Variants in ZMYM2 observed in about 807,000 individuals in gnomAD.
ZMYM2 encodes zinc finger MYM-type protein 2.
Under a neutral mutation model 162.8 loss-of-function variants are expected in ZMYM2, and 56 were observed. The observed-to-expected ratio is 0.34, with a 90% confidence interval of 0.28 to 0.43. The LOEUF is 0.43. Ranked by LOEUF, ZMYM2 falls within the 20% of genes least tolerant of loss-of-function variation. The probability of loss-of-function intolerance (pLI) is 1.00; values close to 1 mark genes in which losing one functional copy is unlikely to be tolerated. For missense variants in ZMYM2, 1,275 were observed against 1,621.8 expected (o/e 0.79, Z 3.67); for synonymous variants, 510 against 541.6 (o/e 0.94, Z 0.81).
At chr13:19,957,745 A>G (rs1253014355), upstream of ZMYM2, among the ~76,000 whole-genome samples, 1 of 152,202 alleles carries the variant, frequency 6.6e-6, no homozygotes, top group East Asian at 1.9e-4. Flanking sequence ...GGAGCACAGG[A>G]CGGCGGCGCC....
chr13:20,079,365 C>A (rs1441560069), intron 21 of ZMYM2, among the ~76,000 whole-genome samples: 1 of 126,892 alleles, frequency 7.9e-6, no homozygotes, highest in Non-Finnish European at 1.6e-5. Context: ...GAATTCAAAT[C>A]CCATAATTGA....
intron 13 of ZMYM2, 141 bp downstream of exon 13, chr13:20,051,739 A>G (rs1393867758): frequency 3.3e-5 from 25 of 768,824 alleles, no homozygotes; most frequent in Non-Finnish European, 4.5e-5. Flanking sequence ...TCTGGGTCGA[A>G]GTACCCTTGT....
the ZMYM2 span, among the ~76,000 whole-genome samples, chr13:19,929,179 CTTTCCAATTTTTAATGTCTTT>C: frequency 6.6e-6 from 1 of 152,024 alleles, no homozygotes; most frequent in Non-Finnish European, 1.5e-5. Context: ...TTGTTTCTTT[CTTTCCAATTTTTAATGTCTTT>C]TATTTTTATT....
intron 14 of ZMYM2, 125 bp downstream of exon 14, chr13:20,052,436 G>T: frequency 1.3e-6 from 1 of 752,616 alleles, no homozygotes; most frequent in Non-Finnish European, 2.1e-6. Flanking sequence ...TACTGAGACG[G>T]TGGAGTATTC....
Position 20,066,889 on chromosome 13 carries a change from T to C in ZMYM2, c.3171T>C (p.His1057=), listed in dbSNP as rs770859703. ...KRKAVSGYQS[H]DDSSDNSECS... The stretch of plus-strand genomic sequence containing the variant: ...AGGCTGTATCAGGATACCAGTCTCA[T>C]GATGATAGTTCTGACAATTCAGAAT... Residue 1057 remains histidine, a synonymous_variant, in exon 20 of 25, where the codon CAT becomes CAC. Transcript: ENST00000610343. 1 of 1,611,618 alleles carries C rather than the reference T, an allele frequency of 6.2e-7. No individual in the cohort carries two copies. The highest frequency in any genetic ancestry group is 8.5e-7 in the Non-Finnish European group (1 of 1,178,766).
At chr13:19,900,470 T>G in the ZMYM2 span, among the ~76,000 whole-genome samples, 1 of 152,146 alleles carries the variant, frequency 6.6e-6, no homozygotes, top group African/African-American at 2.4e-5. Context: ...AAAAGCCTAG[T>G]ACTAGATGGG....
the ZMYM2 span, among the ~76,000 whole-genome samples, chr13:19,905,060 G>A: frequency 7.0e-6 from 1 of 142,704 alleles, no homozygotes; most frequent in African/African-American, 2.6e-5. Flanking sequence ...CTCCCAGGCT[G>A]GAGTGCAGTG....
chr13:20,056,996 G>A (rs889125026), intron 14 of ZMYM2, among the ~76,000 whole-genome samples: 5 of 152,118 alleles, frequency 3.3e-5, no homozygotes, highest in African/African-American at 4.8e-5. Flanking sequence ...CTACAACCTC[G>A]GTTTTCATGG....
rs886586507 is a variant in ZMYM2 at position 19,987,913 on chromosome 13, A to G, written c.-10-5150A>G. On this transcript the variant is annotated intron_variant, in intron 2 of 24. Coordinates refer to ENST00000610343, the MANE Select transcript of ZMYM2 (RefSeq NM_197968.4). ...AGGCGTGAGCCACTGCCCTCAGCCC[A>G]TTTTCTTTAAAGCAGTAATAAATGT... is the stretch of plus-strand genomic sequence containing the variant. 2.0e-5 allele frequency among the ~76,000 whole-genome samples: 3 copies of G among 152,122 alleles called. 1 individual carries two copies. Among genetic ancestry groups the G allele is most frequent in the South Asian group, 4.1e-4 (2 of 4,830 alleles).
intron 2 of ZMYM2, among the ~76,000 whole-genome samples, chr13:19,965,771 CTTTTTTTTT>C (rs35914050): frequency 2.9e-5 from 3 of 104,888 alleles, no homozygotes; most frequent in African/African-American, 1.1e-4. Flanking sequence ...TATCTGAATT[CTTTTTTTTT>C]TTTTTTTTTT....
chr13:19,890,310 G>A, the ZMYM2 span, among the ~76,000 whole-genome samples: 2 of 151,452 alleles, frequency 1.3e-5, no homozygotes, highest in African/African-American at 4.9e-5. Context: ...GGGACTACTT[G>A]AGACCACCAC....
At chr13:19,879,504 G>A in the ZMYM2 span, among the ~76,000 whole-genome samples, 1 of 152,106 alleles carries the variant, frequency 6.6e-6, no homozygotes, top group Non-Finnish European at 1.5e-5. Flanking sequence ...CTGTTCCATT[G>A]ATCTATGTGT....
the ZMYM2 span, among the ~76,000 whole-genome samples, chr13:19,904,178 T>C: frequency 3.1e-5 from 4 of 129,162 alleles, no homozygotes; most frequent in South Asian, 3.0e-4. Context: ...GGTGGATTTA[T>C]GTAGTTCAAC....
the ZMYM2 span, among the ~76,000 whole-genome samples, chr13:19,926,227 CTG>C: frequency 5.3e-5 from 8 of 151,768 alleles, 1 homozygote; most frequent in South Asian, 1.7e-3. Context: ...TCCCAAAGTG[CTG>C]TGATTACAGG....
chr13:20,048,123 A>C (rs933046310), intron 12 of ZMYM2, among the ~76,000 whole-genome samples: 16 of 152,010 alleles, frequency 1.1e-4, no homozygotes, highest in African/African-American at 3.6e-4. Context: ...TCGATTGCAC[A>C]GTTTTTTAAC....
At chr13:19,937,448 G>C in the ZMYM2 span, among the ~76,000 whole-genome samples, 1 of 133,108 alleles carries the variant, frequency 7.5e-6, no homozygotes, top group Non-Finnish European at 1.5e-5. Flanking sequence ...TACCGGCCTA[G>C]TATTCCTCTT....
rs1338130172 is a variant in ZMYM2 at position 20,036,724 on chromosome 13, T to C, written c.2120-13T>C. ...GTTTTTTTGTTTTAATATATAAATC[T>C]TATATTTTTCAGGCTGCAAATTATT... On this transcript the variant is annotated splice_polypyrimidine_tract_variant and intron_variant, in intron 11 of 24. Transcript: ENST00000610343. The C allele has an allele frequency of 3.3e-6, 5 of 1,503,058 alleles. No homozygotes were observed. Among genetic ancestry groups the C allele is most frequent in the Admixed American group, 2.4e-5 (1 of 41,480 alleles). 93.1% of individuals were successfully genotyped at this position (1,503,058 alleles called of 1,614,324 possible).
chr13:19,963,349 T>C (rs1306854623), intron 2 of ZMYM2, among the ~76,000 whole-genome samples: 3 of 152,250 alleles, frequency 2.0e-5, no homozygotes, highest in African/African-American at 7.2e-5. Flanking sequence ...ACTTTTGAAG[T>C]ATTCAGATCA....
the ZMYM2 span, among the ~76,000 whole-genome samples, chr13:19,929,833 G>A: frequency 1.3e-4 from 20 of 152,140 alleles, no homozygotes; most frequent in African/African-American, 4.1e-4. Flanking sequence ...CTTGTAAACC[G>A]TATGAACCTG....
Sources: allele counts gnomAD v4.1 joint callset (sites outside exome capture counted in the v4.1 genomes callset), GRCh38; gene constraint gnomAD v4.1.1; transcripts MANE v1.5; gene names NCBI Gene and HGNC (gene_info 2026-07-23, HGNC 2026-07-21).